The following EXOC4 variants were observed in gnomAD, a reference collection of about 807,000 sequenced individuals.
The protein encoded by EXOC4 is SEC8-like 1.
Under a neutral mutation model 107.2 loss-of-function variants are expected in EXOC4, and 71 were observed. The ratio of observed to expected loss-of-function variants is 0.66; its 90% CI spans 0.55 to 0.81. The LOEUF (loss-of-function observed/expected upper bound fraction) is 0.81. EXOC4 is among the 30% of genes least tolerant of loss of function. EXOC4 has a pLI of 0.00. For missense variants in EXOC4, 1,108 were observed against 1,189.6 expected (o/e 0.93, Z 1.01); for synonymous variants, 456 against 441.2 (o/e 1.03, Z -0.42).
intron 9 of EXOC4, among the ~76,000 whole-genome samples, chr7:133,527,997 A>G (rs550984535): frequency 6.6e-5 from 10 of 152,282 alleles, no homozygotes; most frequent in Admixed American, 2.0e-4. Context: ...TAAAACACAG[A>G]CTGTTGGGTA....
intron 9 of EXOC4, among the ~76,000 whole-genome samples, chr7:133,538,719 T>C (rs940494769): frequency 1.3e-5 from 2 of 152,038 alleles, no homozygotes; most frequent in East Asian, 1.9e-4. Flanking sequence ...TACCCCTAGA[T>C]AGCCGGGAGG....
intron 3 of EXOC4, among the ~76,000 whole-genome samples, chr7:133,298,925 C>T (rs1209249535): frequency 6.6e-6 from 1 of 152,132 alleles, no homozygotes; most frequent in African/African-American, 2.4e-5. Flanking sequence ...TGGTTTAAGT[C>T]ATTGTATAGT....
intron 5 of EXOC4, among the ~76,000 whole-genome samples, chr7:133,345,192 G>T (rs1795756469): frequency 6.6e-6 from 1 of 152,002 alleles, no homozygotes; most frequent in South Asian, 2.1e-4. Flanking sequence ...CATTAAATTT[G>T]CACATCTCTG....
At chr7:133,547,978 T>C (rs923435513) in intron 9 of EXOC4, among the ~76,000 whole-genome samples, 1 of 151,990 alleles carries the variant, frequency 6.6e-6, no homozygotes. Context: ...TTTGCCCGGA[T>C]CCATCAGAAG....
intron 9 of EXOC4, among the ~76,000 whole-genome samples, chr7:133,556,833 T>G (rs1800700278): frequency 6.6e-6 from 1 of 152,112 alleles, no homozygotes; most frequent in Admixed American, 6.6e-5. Context: ...GAATCTGTAC[T>G]TAGATGTAGG....
chr7:133,983,119 C>T (rs1794033935), intron 14 of EXOC4, among the ~76,000 whole-genome samples: 1 of 151,788 alleles, frequency 6.6e-6, no homozygotes, highest in African/African-American at 2.4e-5. Flanking sequence ...GCAGGCATCT[C>T]ACATGGCAGG....
chr7:133,828,819 G>C (rs1159203442), intron 11 of EXOC4, among the ~76,000 whole-genome samples: 1 of 152,190 alleles, frequency 6.6e-6, no homozygotes, highest in East Asian at 1.9e-4. Context: ...TAGACAAGGT[G>C]ATGTGGGGAT....
intron 10 of EXOC4, among the ~76,000 whole-genome samples, chr7:133,726,578 C>A (rs528310952): frequency 5.3e-5 from 8 of 152,190 alleles, no homozygotes; most frequent in Admixed American, 1.3e-4. Context: ...CCAATAGGCT[C>A]TGCAATTTTG....
At chr7:133,649,474 T>TC (rs1803081441) in intron 10 of EXOC4, among the ~76,000 whole-genome samples, 1 of 114,648 alleles carries the variant, frequency 8.7e-6, no homozygotes, top group South Asian at 2.6e-4. Context: ...TTTCTTTTTT[T>TC]TTTTTTTTTT....
intron 10 of EXOC4, among the ~76,000 whole-genome samples, chr7:133,710,138 T>C (rs1794854543): frequency 6.6e-6 from 1 of 152,026 alleles, no homozygotes; most frequent in Non-Finnish European, 1.5e-5. Flanking sequence ...AGAGAATACT[T>C]GGGAGGAAGT....
chr7:133,987,134 G>C (rs1794133264), intron 14 of EXOC4, among the ~76,000 whole-genome samples: 1 of 152,030 alleles, frequency 6.6e-6, no homozygotes, highest in South Asian at 2.1e-4. Context: ...ACTATTAATA[G>C]TTTTCTAAAT....
At chr7:133,618,105 G>A (rs1028943099) in intron 9 of EXOC4, among the ~76,000 whole-genome samples, 6 of 151,928 alleles carry the variant, frequency 3.9e-5, no homozygotes, top group Non-Finnish European at 8.8e-5. Context: ...CATGATACAG[G>A]CTTATTTTTT....
chr7:134,054,753 G>A (rs62462499), intron 17 of EXOC4, among the ~76,000 whole-genome samples: 44 of 152,252 alleles, frequency 2.9e-4, no homozygotes, highest in African/African-American at 9.4e-4. Flanking sequence ...TGCATCAAAC[G>A]GTTCACTGAC....
chr7:134,031,798 T>C (rs1013617581), intron 17 of EXOC4, among the ~76,000 whole-genome samples: 2 of 152,238 alleles, frequency 1.3e-5, no homozygotes, highest in South Asian at 2.1e-4. Flanking sequence ...TAAGAAGAGC[T>C]AAAGAAGCAT....
intron 9 of EXOC4, among the ~76,000 whole-genome samples, chr7:133,570,686 G>A (rs1271730454): frequency 6.6e-6 from 1 of 152,134 alleles, no homozygotes; most frequent in Non-Finnish European, 1.5e-5. Context: ...GTAGGAAATG[G>A]GGAAACCAGG....
intron 17 of EXOC4, among the ~76,000 whole-genome samples, chr7:134,051,142 A>C (rs529044338): frequency 5.0e-4 from 76 of 152,348 alleles, no homozygotes; most frequent in African/African-American, 1.8e-3. Context: ...TGACAAGGGC[A>C]GCTGATAGAA....
At position 133,484,906 on chromosome 7, in the gene EXOC4, C is replaced by T. The variant is rs563997342; in HGVS notation, c.1417+4768C>T. ...ACCAGCCTGGCCAATATGGTGAAAC[C>T]CCCTCTCTACTAAAAATACAAAAAT... On this transcript the variant is annotated intron_variant, in intron 9 of 17. Coordinates refer to ENST00000253861, the MANE Select transcript of EXOC4 (RefSeq NM_021807.4). Among the ~76,000 whole-genome samples the T allele has an allele frequency of 5.3e-5, 8 of 151,260 alleles. No individual in the cohort carries two copies. In the East Asian group the frequency reaches 1.6e-3, roughly 30 times the overall value.
At chr7:133,421,859 G>A (rs1285615074) in intron 7 of EXOC4, among the ~76,000 whole-genome samples, 12 of 152,072 alleles carry the variant, frequency 7.9e-5, no homozygotes, top group Admixed American at 7.9e-4. Flanking sequence ...TCATTGAATA[G>A]TCATTGAGCA....
intron 7 of EXOC4, among the ~76,000 whole-genome samples, chr7:133,439,878 T>C (rs954708649): frequency 6.6e-6 from 1 of 152,162 alleles, no homozygotes; most frequent in Non-Finnish European, 1.5e-5. Flanking sequence ...AATGAAGCCA[T>C]CAGGGAGACT....
Sources: gnomAD v4.1 joint callset for allele counts (sites outside exome capture counted in the v4.1 genomes callset) on GRCh38, gnomAD v4.1.1 for gene constraint, MANE v1.5 for transcripts, NCBI Gene and HGNC (gene_info 2026-07-23, HGNC 2026-07-21) for gene names.